The following MUC22 variants were observed in gnomAD, a reference collection of about 807,000 sequenced individuals.
The protein encoded by MUC22 is mucin-22.
In MUC22, 24 loss-of-function variants were observed where a neutral mutation model predicts 40.3. The observed-to-expected ratio is 0.60, with a 90% CI of 0.43 to 0.84. MUC22 has a LOEUF of 0.84. MUC22 is among the 40% of genes least tolerant of loss of function. The pLI, the probability that MUC22 is intolerant of heterozygous loss-of-function variation, is 0.00. For synonymous variants in MUC22, 765 were observed against 844.5 expected (o/e 0.91, Z 1.63); for missense variants, 1,926 against 2,130.7 (o/e 0.90, Z 1.89).
chr6:31,017,490 C>G (rs1205176830), intron 1 of MUC22, among the ~76,000 whole-genome samples: 2 of 151,728 alleles, frequency 1.3e-5, no homozygotes, highest in Non-Finnish European at 2.9e-5. Flanking sequence ...CAGTAAGCAC[C>G]CTGTGTCTAG....
upstream of MUC22, chr6:31,006,043 G>GT (rs1169600351): frequency 1.1e-5 from 3 of 273,158 alleles, no homozygotes; most frequent in Non-Finnish European, 2.2e-5. Context: ...GGAAGTGGAG[G>GT]TTGCAGTGAG....
rs150395961 is a variant in MUC22, at chr6:31,017,997, A to C, written c.70+7221A>C. 1.2e-4 allele frequency among the ~76,000 whole-genome samples: 19 copies of C among 152,354 alleles called. No individual in the cohort carries two copies. The East Asian group carries it at 3.7e-3, about 29-fold the overall frequency. On this transcript the variant is annotated intron_variant, in intron 1 of 3. Transcript: ENST00000561890. ...CACTCCTGAGGCCAGTGAGATCACG[A>C]ACCCACCAGAAGAAACGCCGAACAC...
intron 1 of MUC22, among the ~76,000 whole-genome samples, chr6:31,022,229 A>C (rs1764870702): frequency 6.6e-6 from 1 of 152,100 alleles, no homozygotes; most frequent in Non-Finnish European, 1.5e-5. Context: ...GAGACCAAGA[A>C]CCCACCAATT....
chr6:31,016,616 C>G (rs1309277883), intron 1 of MUC22, among the ~76,000 whole-genome samples: 2 of 152,232 alleles, frequency 1.3e-5, no homozygotes, highest in Non-Finnish European at 2.9e-5. Flanking sequence ...TCAGTAAAAC[C>G]TTTTGAGAGG....
intron 1 of MUC22, among the ~76,000 whole-genome samples, chr6:31,022,869 C>T (rs1764980707): frequency 6.6e-6 from 1 of 152,170 alleles, no homozygotes; most frequent in Admixed American, 6.5e-5. Flanking sequence ...GCGGTTTATG[C>T]CTGTAATCCT....
intron 1 of MUC22, among the ~76,000 whole-genome samples, chr6:31,025,219 C>T (rs1275357965): frequency 6.6e-6 from 1 of 152,140 alleles, no homozygotes; most frequent in Non-Finnish European, 1.5e-5. Context: ...TTTCTGACTC[C>T]AGTATCTAAA....
chr6:31,017,909 C>T (rs6910464), intron 1 of MUC22, among the ~76,000 whole-genome samples: 18,193 of 149,110 alleles, frequency 0.12, 1,266 homozygotes, highest in African/African-American at 0.17. Context: ...ATTGCTGCTG[C>T]TCACTCTTTG....
exon 2 of MUC22, chr6:31,026,957 C>T: frequency 6.7e-7 from 1 of 1,494,222 alleles, no homozygotes; most frequent in Non-Finnish European, 8.9e-7. Context: ...ACTGCAGCCT[C>T]TACTGAAGAT....
rs1330725929 is a variant in MUC22 at position 31,032,185 on chromosome 6, C to T, written c.4670-11C>T. 2 of 1,526,876 alleles carry T rather than the reference C, an allele frequency of 1.3e-6. No homozygotes were observed. The highest frequency in any genetic ancestry group is 4.9e-5 in the East Asian group (2 of 40,872). 94.6% of individuals were successfully genotyped at this position (1,526,876 alleles called of 1,614,324 possible). On this transcript the variant is annotated splice_polypyrimidine_tract_variant and intron_variant, in intron 2 of 3. Coordinates refer to ENST00000561890, the Ensembl canonical transcript of MUC22. This position sits in a 1 kb window ranked among gnomAD's most constrained non-coding sequence, Gnocchi z 4.1. The stretch of plus-strand genomic sequence containing the variant: ...CTACAAATGCATCATCTTGTGTGAC[C>T]TGTTTCATAGGCACCAGAACCACTG...
intron 1 of MUC22, among the ~76,000 whole-genome samples, chr6:31,012,776 A>C (rs1763941234): frequency 1.3e-5 from 2 of 152,000 alleles, no homozygotes; most frequent in Non-Finnish European, 2.9e-5. Flanking sequence ...CCTCCATCTG[A>C]ATGCTGGGCG....
exon 2 of MUC22, chr6:31,029,964 A>G (rs1369758005): frequency 1.3e-6 from 2 of 1,535,314 alleles, no homozygotes; most frequent in South Asian, 2.4e-5. Context: ...CTTCCCTCAC[A>G]GGCTCTGAGA....
At chr6:31,018,366 G>A (rs1308786102) in intron 1 of MUC22, among the ~76,000 whole-genome samples, 1 of 152,164 alleles carries the variant, frequency 6.6e-6, no homozygotes, top group Non-Finnish European at 1.5e-5. Flanking sequence ...AATCTTTAGA[G>A]GAACCCAGTT....
upstream of MUC22, among the ~76,000 whole-genome samples, chr6:31,008,059 T>C (rs999218484): frequency 4.6e-5 from 7 of 152,190 alleles, no homozygotes; most frequent in African/African-American, 1.7e-4. Flanking sequence ...TCAGATGAAG[T>C]TGGGAACAGG....
Position 31,032,603 on chromosome 6 carries a change from A to T in MUC22, c.5055+22A>T. On this transcript the variant is annotated intron_variant, in intron 3 of 3. Coordinates refer to ENST00000561890, the Ensembl canonical transcript of MUC22. This position sits in a 1 kb window ranked among gnomAD's most constrained non-coding sequence, Gnocchi z 4.1. ...TCTGGTGAGTACCCAGGGTGGGTTC[A>T]TAGGGGAGCCTGGCAAGAAGGCAGG... is the stretch of plus-strand genomic sequence containing the variant. 1 of 1,516,158 alleles carries T rather than the reference A, an allele frequency of 6.6e-7. No individual in the cohort carries two copies. Among genetic ancestry groups the T allele is most frequent in the Non-Finnish European group, 8.8e-7 (1 of 1,135,656 alleles). 93.9% of individuals were successfully genotyped at this position (1,516,158 alleles called of 1,614,324 possible). A position where few individuals can be genotyped will look rare whatever the true frequency, so the allele number is the denominator to read the frequency against.
intron 1 of MUC22, among the ~76,000 whole-genome samples, chr6:31,013,818 T>C (rs954950031): frequency 1.3e-5 from 2 of 152,194 alleles, no homozygotes; most frequent in Non-Finnish European, 2.9e-5. Flanking sequence ...CGTGAGCCAT[T>C]GCACCCGGCC....
chr6:31,027,860 C>T (rs1194634384), exon 2 of MUC22: 10 of 1,534,824 alleles, frequency 6.5e-6, no homozygotes, highest in Admixed American at 5.9e-5. Flanking sequence ...ACCACTTCCA[C>T]TGAAGGCTCT....
rs540644070 is a variant in MUC22 at position 31,021,952 on chromosome 6, G to A, written c.71-3550G>A. Among the ~76,000 whole-genome samples the A allele has an allele frequency of 4.9e-4, 74 of 152,170 alleles. 1 individual carries two copies. Among genetic ancestry groups the A allele is most frequent in the African/African-American group, 1.4e-3 (60 of 41,500 alleles). ...GTTTTTATGATCTGTAACACTCACC[G>A]TAAAGGTCTGCAGCTTCACTCCTGA... On this transcript the variant is annotated intron_variant, in intron 1 of 3. Transcript: ENST00000561890.
upstream of MUC22, among the ~76,000 whole-genome samples, chr6:31,008,491 A>C (rs1008698643): frequency 1.3e-5 from 2 of 152,166 alleles, no homozygotes; most frequent in African/African-American, 4.8e-5. Flanking sequence ...GAGGGGCATT[A>C]AATTTCATAT....
At chr6:31,009,224 C>A (rs895060970), upstream of MUC22, among the ~76,000 whole-genome samples, 1 of 152,056 alleles carries the variant, frequency 6.6e-6, no homozygotes, top group African/African-American at 2.4e-5. Flanking sequence ...TTATTTAATT[C>A]TTTAATGTAT....
Sources: gnomAD v4.1 joint callset for allele counts (sites outside exome capture counted in the v4.1 genomes callset) on GRCh38, gnomAD v4.1.1 for gene constraint, Gnocchi (gnomAD v3.1) non-coding constraint, MANE v1.5 for transcripts, NCBI Gene and HGNC (gene_info 2026-07-23, HGNC 2026-07-21) for gene names.